The following FHIT variants were observed in gnomAD, a reference collection of about 807,000 sequenced individuals.
FHIT encodes the protein fragile histidine triad diadenosine triphosphatase.
A neutral mutation model predicts 17.9 loss-of-function variants in FHIT; 19 were observed. The observed-to-expected ratio is 1.06, with a 90% CI of 0.74 to 1.56. FHIT has a LOEUF of 1.56. FHIT is among the 40% of genes most tolerant of loss of function. FHIT has a pLI of 0.00. For missense variants in FHIT, 248 were observed against 189.2 expected (o/e 1.31, Z -1.82); for synonymous variants, 81 against 69.7 (o/e 1.16, Z -0.81).
intron 5 of FHIT, among the ~76,000 whole-genome samples, chr3:60,522,320 A>C (rs1050031459): frequency 6.6e-6 from 1 of 152,160 alleles, no homozygotes; most frequent in Non-Finnish European, 1.5e-5. Flanking sequence ...CATGTTGGCC[A>C]GGCTGGTTTC....
intron 4 of FHIT, among the ~76,000 whole-genome samples, chr3:60,580,166 C>A (rs553297648): frequency 6.6e-5 from 10 of 152,020 alleles, no homozygotes; most frequent in Non-Finnish European, 1.3e-4. Context: ...TCAAGCAAAA[C>A]CTATAGAAAG....
intron 4 of FHIT, among the ~76,000 whole-genome samples, chr3:60,547,762 C>A (rs2036415847): frequency 6.6e-6 from 1 of 152,122 alleles, no homozygotes; most frequent in African/African-American, 2.4e-5. Context: ...AAGATCTCTA[C>A]TATCCTTTTG....
intron 7 of FHIT, among the ~76,000 whole-genome samples, chr3:59,975,347 G>T (rs1480083458): frequency 6.6e-6 from 1 of 152,036 alleles, no homozygotes; most frequent in Non-Finnish European, 1.5e-5. Context: ...GTCCCAAGTG[G>T]CTACCTCTAA....
chr3:59,854,349 T>C (rs1413677579), intron 8 of FHIT, among the ~76,000 whole-genome samples: 1 of 152,138 alleles, frequency 6.6e-6, no homozygotes, highest in African/African-American at 2.4e-5. Context: ...TGATAAATAA[T>C]TGAAGCTCGG....
chr3:60,672,583 C>CG (rs1399153558), intron 4 of FHIT, among the ~76,000 whole-genome samples: 1 of 152,138 alleles, frequency 6.6e-6, no homozygotes, highest in East Asian at 1.9e-4. Flanking sequence ...TCAGTTACTT[C>CG]GGGCCATCTG....
intron 3 of FHIT, among the ~76,000 whole-genome samples, chr3:60,924,548 C>A (rs943208222): frequency 2.0e-5 from 3 of 152,034 alleles, no homozygotes; most frequent in Non-Finnish European, 2.9e-5. Flanking sequence ...CACACCAAAA[C>A]CCCATCTGTA....
Position 60,626,133 on chromosome 3 carries a change from T to C in FHIT, c.-17-89154A>G, listed in dbSNP as rs186858483. Among the ~76,000 whole-genome samples the C allele has an allele frequency of 1.3e-3, 191 of 152,328 alleles. No individual in the cohort carries two copies. The Middle Eastern group carries it at 0.02, about 16-fold the overall frequency. ...TACACTCTCTTGATCACTGTAGAGT[T>C]GTCATGAGTTCCGAAACCAGGAAAT... is the stretch of plus-strand genomic sequence containing the variant. On this transcript the variant is annotated intron_variant, in intron 4 of 9. Transcript: ENST00000492590.
chr3:60,234,282 T>C (rs1704653409), intron 5 of FHIT, among the ~76,000 whole-genome samples: 1 of 152,218 alleles, frequency 6.6e-6, no homozygotes, highest in African/African-American at 2.4e-5. Flanking sequence ...ATCTGTAGTA[T>C]TAATGAATAG....
At chr3:60,362,475 T>G (rs1699944544) in intron 5 of FHIT, among the ~76,000 whole-genome samples, 1 of 152,190 alleles carries the variant, frequency 6.6e-6, no homozygotes, top group South Asian at 2.1e-4. Flanking sequence ...ACTTTTTGTT[T>G]CTAGCAAGCA....
At chr3:60,610,942 A>G (rs1030642311) in intron 4 of FHIT, among the ~76,000 whole-genome samples, 2 of 152,196 alleles carry the variant, frequency 1.3e-5, no homozygotes, top group Admixed American at 6.5e-5. Flanking sequence ...CCTGAATGAC[A>G]TCAGGCCATG....
intron 5 of FHIT, among the ~76,000 whole-genome samples, chr3:60,158,266 C>A (rs191242192): frequency 6.6e-6 from 1 of 152,170 alleles, no homozygotes; most frequent in Admixed American, 6.5e-5. Flanking sequence ...CTCAAGAAAA[C>A]CCACTCTGAG....
intron 3 of FHIT, among the ~76,000 whole-genome samples, chr3:60,861,628 T>G (rs1247147017): frequency 2.0e-5 from 3 of 151,992 alleles, no homozygotes; most frequent in African/African-American, 7.2e-5. Flanking sequence ...TAGTCTCTCA[T>G]GTTCCCCTTG....
At chr3:60,200,072 G>C (rs1335246063) in intron 5 of FHIT, among the ~76,000 whole-genome samples, 1 of 152,128 alleles carries the variant, frequency 6.6e-6, no homozygotes, top group African/African-American at 2.4e-5. Context: ...GAGTGACCTA[G>C]AGAACACACC....
intron 5 of FHIT, among the ~76,000 whole-genome samples, chr3:60,374,242 C>G (rs187696841): frequency 6.6e-6 from 1 of 152,062 alleles, no homozygotes; most frequent in African/African-American, 2.4e-5. Flanking sequence ...CTTTCCTGAT[C>G]ATTTTAAAAG....
chr3:60,436,140 T>C (rs1211602086), intron 5 of FHIT, among the ~76,000 whole-genome samples: 1 of 152,174 alleles, frequency 6.6e-6, no homozygotes, highest in East Asian at 1.9e-4. Flanking sequence ...CTCTGCCTCC[T>C]GGGCTCAAGC....
At chr3:60,872,779 T>C (rs1046222505) in intron 3 of FHIT, among the ~76,000 whole-genome samples, 1 of 151,954 alleles carries the variant, frequency 6.6e-6, no homozygotes, top group Admixed American at 6.6e-5. Context: ...CAGGAAATAA[T>C]AATAAAATTT....
At chr3:60,674,775 C>T (rs901730788) in intron 4 of FHIT, among the ~76,000 whole-genome samples, 2 of 152,262 alleles carry the variant, frequency 1.3e-5, no homozygotes, top group East Asian at 1.9e-4. Context: ...TGTCTTTGTT[C>T]GGCTCTTGGT....
At chr3:60,393,032 C>T (rs1701292525) in intron 5 of FHIT, among the ~76,000 whole-genome samples, 1 of 152,056 alleles carries the variant, frequency 6.6e-6, no homozygotes, top group Non-Finnish European at 1.5e-5. Context: ...TAAATGAGGA[C>T]AATTTTGTGA....
At chr3:59,904,316 TAAA>T (rs35782604) in intron 8 of FHIT, among the ~76,000 whole-genome samples, 1 of 130,542 alleles carries the variant, frequency 7.7e-6, no homozygotes. Context: ...GGAAACTAAT[TAAA>T]AAAAAAAAAA....
Sources: allele counts gnomAD v4.1 joint callset (sites outside exome capture counted in the v4.1 genomes callset), GRCh38; gene constraint gnomAD v4.1.1; transcripts MANE v1.5; gene names NCBI Gene and HGNC (gene_info 2026-07-23, HGNC 2026-07-21).